DMD: variants seen among roughly 807,000 people sequenced by gnomAD.
DMD encodes the protein mutant dystrophin.
DMD carries 63 observed loss-of-function variants against 330.1 expected under a neutral mutation model. The observed-to-expected ratio is 0.19, with a 90% confidence interval of 0.16 to 0.24. DMD has a LOEUF of 0.24. Among genes scored for constraint, DMD ranks in the 10% least tolerant of loss-of-function variants. The probability of loss-of-function intolerance (pLI) is 1.00; values close to 1 mark genes in which losing one functional copy is unlikely to be tolerated. For synonymous variants in DMD, 1,223 were observed against 959.8 expected (o/e 1.27, Z -5.07); for missense variants, 3,344 against 2,684.1 (o/e 1.25, Z -5.43).
chrX:32,796,371 G>C (rs2076179281), intron 7 of DMD, among the ~76,000 whole-genome samples: 1 of 111,477 alleles, frequency 9.0e-6, no homozygotes, highest in Non-Finnish European at 1.9e-5. Flanking sequence ...AAGATAAATA[G>C]ATTTTACATT....
At chrX:32,614,265 C>G in intron 12 of DMD, 38 bp downstream of exon 12, 1 of 1,200,654 alleles carries the variant, frequency 8.3e-7, no homozygotes, top group Non-Finnish European at 1.1e-6. Flanking sequence ...ACAGAGTTTG[C>G]TTTCTAGTAG....
At chrX:31,554,779 A>G (rs2074703794) in intron 55 of DMD, among the ~76,000 whole-genome samples, 1 of 111,825 alleles carries the variant, frequency 8.9e-6, no homozygotes, top group Non-Finnish European at 1.9e-5. Context: ...AAAAAGTACA[A>G]AAAGACCTCA....
In DMD at chrX:31,220,913, T is replaced by G. The variant is rs775180885; in HGVS notation, c.9361+2134A>C. On this transcript the variant is annotated intron_variant, in intron 64 of 78. Coordinates refer to ENST00000357033, the MANE Select transcript of DMD (RefSeq NM_004006.3). ...TTTTTGCGATTTTTTTTTTTTTTTTTTTTTTTTTAGCTCATCAGCTACCGT... is the reference window on the plus strand; with the variant it reads ...TTTTTGCGATTTTTTTTTTTTTTTTGTTTTTTTTAGCTCATCAGCTACCGT... Among the ~76,000 whole-genome samples, 138 of 96,904 alleles carry G rather than the reference T, an allele frequency of 1.4e-3. 1 individual carries two copies. Among genetic ancestry groups the G allele is most frequent in the African/African-American group, 5.0e-3 (132 of 26,341 alleles). 84.1% of individuals were successfully genotyped at this position (96,904 alleles called of 115,157 possible). A position where few individuals can be genotyped will look rare whatever the true frequency, so the allele number is the denominator to read the frequency against.
In DMD at chrX:33,271,765, CAAAAAAAAAACCAAA is replaced by C. The variant is rs910504968; in HGVS notation, c.7+67479_7+67493del. 4.4e-3 allele frequency among the ~76,000 whole-genome samples: 170 copies of C among 38,315 alleles called. 2 individuals are homozygous for C. The South Asian group carries it at 0.072, about 16-fold the overall frequency. The allele number at this position is 38,315 out of a possible 115,157, so 33.3% of individuals were successfully genotyped here. A position where few individuals can be genotyped will look rare whatever the true frequency, so the allele number is the denominator to read the frequency against. Reference sequence around the variant, plus strand: ...TGGGCGACAAAGCGAGACTCTGTCTCAAAAAAAAAACCAAAAAAAAAAAAACCAAAAAAAAGAAAA... The same window carrying C: ...TGGGCGACAAAGCGAGACTCTGTCTCAAAAAAAAAACCAAAAAAAAGAAAA... On this transcript the variant is annotated intron_variant, in intron 1 of 17. Transcript: ENST00000288447.
intron 60 of DMD, among the ~76,000 whole-genome samples, chrX:31,443,545 A>C (rs1163122728): frequency 9.8e-6 from 1 of 102,162 alleles, no homozygotes; most frequent in Non-Finnish European, 2.0e-5. Context: ...TTATTATCGC[A>C]TTTTTTTTTT....
chrX:33,273,701 T>C (rs183222176), intron 1 of DMD, among the ~76,000 whole-genome samples: 159 of 112,526 alleles, frequency 1.4e-3, no homozygotes, highest in Non-Finnish European at 2.4e-3. Flanking sequence ...AGCTCTTTGA[T>C]TGAGGAAGAA....
intron 44 of DMD, among the ~76,000 whole-genome samples, chrX:32,082,373 G>T (rs73454090): frequency 0.17 from 17,666 of 105,949 alleles, 1,128 homozygotes; most frequent in East Asian, 0.27. Context: ...GGGCTACAGG[G>T]GCACACTACC....
intron 19 of DMD, among the ~76,000 whole-genome samples, chrX:32,499,696 G>T (rs1457999497): frequency 1.8e-5 from 2 of 111,219 alleles, no homozygotes; most frequent in Non-Finnish European, 3.8e-5. Context: ...TTTACAGAAA[G>T]CTTCATTTGT....
intron 61 of DMD, among the ~76,000 whole-genome samples, chrX:31,344,858 T>TAC (rs376996455): frequency 0.028 from 3,009 of 107,154 alleles, 42 homozygotes; most frequent in Non-Finnish European, 0.039. Context: ...AGAACCTTGA[T>TAC]ACACACACAC....
intron 1 of DMD, among the ~76,000 whole-genome samples, chrX:33,098,204 T>A (rs1182515024): frequency 9.0e-6 from 1 of 111,713 alleles, no homozygotes; most frequent in Non-Finnish European, 1.9e-5. Flanking sequence ...TCATCCCAGT[T>A]TAGCGGAAGA....
At chrX:32,029,907 T>C (rs1031957214) in intron 44 of DMD, among the ~76,000 whole-genome samples, 1 of 111,471 alleles carries the variant, frequency 9.0e-6, no homozygotes, top group African/African-American at 3.3e-5. Flanking sequence ...TTTGAACCTA[T>C]GGGGTTCAAT....
At chrX:32,294,762 G>A (rs73221125) in intron 42 of DMD, among the ~76,000 whole-genome samples, 2 of 110,996 alleles carry the variant, frequency 1.8e-5, no homozygotes, top group Non-Finnish European at 3.8e-5. Context: ...GCACATATTC[G>A]TGTCCTCAAG....
Position 32,028,911 on chromosome X carries a change from C to T in DMD, c.6439-60397G>A, listed in dbSNP as rs747669336. Among the ~76,000 whole-genome samples, 19 of 111,374 alleles carry T rather than the reference C, an allele frequency of 1.7e-4. No homozygotes were observed. In the South Asian group the frequency reaches 2.2e-3, roughly 13 times the overall value. The stretch of plus-strand genomic sequence containing the variant: ...ACACATTTTCATTTTAGAAAGTCAA[C>T]GTGCTTTTACTTAGTACTAGTAAAT... On this transcript the variant is annotated intron_variant, in intron 44 of 78. Coordinates refer to ENST00000357033, the MANE Select transcript of DMD (RefSeq NM_004006.3).
At chrX:33,152,652 T>C (rs1603359547) in intron 1 of DMD, among the ~76,000 whole-genome samples, 1 of 111,224 alleles carries the variant, frequency 9.0e-6, no homozygotes, top group Admixed American at 9.6e-5. Context: ...TTAGTAATTC[T>C]CTGTAGGCAA....
chrX:32,477,047 C>T (rs748704860), intron 21 of DMD, among the ~76,000 whole-genome samples: 10 of 111,189 alleles, frequency 9.0e-5, no homozygotes, highest in Non-Finnish European at 1.7e-4. Context: ...GAAGATTTAA[C>T]GTTTAGCCAA....
chrX:32,958,198 T>G (rs2091703006), intron 2 of DMD, among the ~76,000 whole-genome samples: 1 of 111,576 alleles, frequency 9.0e-6, no homozygotes, highest in African/African-American at 3.2e-5. Context: ...GGTAGCTATC[T>G]GTGTTTATGG....
At chrX:32,066,564 C>A (rs1471454270) in intron 44 of DMD, among the ~76,000 whole-genome samples, 2 of 111,363 alleles carry the variant, frequency 1.8e-5, no homozygotes, top group Non-Finnish European at 3.8e-5. Flanking sequence ...GCATGCCTAG[C>A]CTCATCTCGT....
chrX:32,302,686 C>CT (rs1481051648), intron 42 of DMD, among the ~76,000 whole-genome samples: 1 of 110,875 alleles, frequency 9.0e-6, no homozygotes, highest in East Asian at 2.8e-4. Flanking sequence ...AAATTTATAA[C>CT]TTTCTTAGAA....
intron 12 of DMD, among the ~76,000 whole-genome samples, chrX:32,597,976 A>C (rs913391760): frequency 8.9e-6 from 1 of 112,151 alleles, no homozygotes; most frequent in Admixed American, 9.4e-5. Context: ...CTACTTGCAA[A>C]ACAACAGTGC....
Sources: allele counts gnomAD v4.1 joint callset (sites outside exome capture counted in the v4.1 genomes callset), GRCh38; gene constraint gnomAD v4.1.1; transcripts MANE v1.5; gene names NCBI Gene and HGNC (gene_info 2026-07-23, HGNC 2026-07-21).